Variants in WDPCP observed in about 807,000 individuals in gnomAD.
The protein encoded by WDPCP is WD repeat-containing and planar cell polarity effector protein fritz homolog.
A neutral mutation model predicts 93.1 loss-of-function variants in WDPCP; 71 were observed. That is an observed-to-expected ratio of 0.76 (90% CI 0.63 to 0.93). WDPCP has a LOEUF of 0.93. WDPCP is among the 40% of genes least tolerant of loss of function. WDPCP has a pLI of 0.00. For missense variants in WDPCP, 844 were observed against 887.4 expected (o/e 0.95, Z 0.62); for synonymous variants, 315 against 315.0 (o/e 1.00, Z 0.00).
At chr2:63,177,043 CTGTCAAAAATTGTTTGACCATA>C (rs1383298026) in intron 14 of WDPCP, among the ~76,000 whole-genome samples, 37 of 152,302 alleles carry the variant, frequency 2.4e-4, no homozygotes, top group Admixed American at 1.9e-3. Context: ...GTGTTGACAT[CTGTCAAAAATTGTTTGACCATA>C]TGGTTAATGG....
In WDPCP at chr2:63,546,380, T is replaced by C. The variant is rs552572455; in HGVS notation, c.75+41817A>G. Among the ~76,000 whole-genome samples, 5 of 152,304 alleles carry C rather than the reference T, an allele frequency of 3.3e-5. No individual in the cohort carries two copies. The South Asian group carries it at 6.2e-4, about 19-fold the overall frequency. On this transcript the variant is annotated intron_variant, in intron 1 of 17. Transcript: ENST00000272321. ...GGCCTGCTCAAGGTAGGGGATCTAA[T>C]AGACAATCCAATTCTAACAACAAGT...
intron 2 of WDPCP, among the ~76,000 whole-genome samples, chr2:63,665,519 T>C (rs992697873): frequency 3.3e-5 from 5 of 152,242 alleles, no homozygotes. Context: ...ACATCTATTA[T>C]ACAATGATCC....
At chr2:63,419,708 G>A (rs1002795336) in intron 9 of WDPCP, among the ~76,000 whole-genome samples, 1 of 152,098 alleles carries the variant, frequency 6.6e-6, no homozygotes, top group Admixed American at 6.5e-5. Flanking sequence ...GTCAGAGATA[G>A]GCTTAAGATC....
At chr2:63,457,404 A>T (rs1380516667) in intron 6 of WDPCP, among the ~76,000 whole-genome samples, 1 of 152,156 alleles carries the variant, frequency 6.6e-6, no homozygotes, top group Non-Finnish European at 1.5e-5. Context: ...AAGAAGAACT[A>T]AACCTCCTCA....
At chr2:63,693,187 G>C (rs1355103907) in intron 2 of WDPCP, among the ~76,000 whole-genome samples, 3 of 152,084 alleles carry the variant, frequency 2.0e-5, no homozygotes, top group Non-Finnish European at 2.9e-5. Flanking sequence ...CGCTCTCCTA[G>C]ATGTCATACA....
intron 3 of WDPCP, among the ~76,000 whole-genome samples, chr2:63,627,147 T>G (rs1709818793): frequency 6.6e-6 from 1 of 152,222 alleles, no homozygotes; most frequent in South Asian, 2.1e-4. Flanking sequence ...GCTATAATTT[T>G]TATTCTCAGT....
the WDPCP span, among the ~76,000 whole-genome samples, chr2:63,839,880 G>A: frequency 6.6e-6 from 1 of 152,160 alleles, no homozygotes; most frequent in Non-Finnish European, 1.5e-5. Context: ...TGGATTTCAT[G>A]TAAGAAACAC....
intron 1 of WDPCP, among the ~76,000 whole-genome samples, chr2:63,509,530 A>G (rs1217876736): frequency 1.3e-5 from 2 of 152,282 alleles, no homozygotes; most frequent in East Asian, 3.9e-4. Context: ...ATAATTAGAG[A>G]AGAGCAAACA....
chr2:63,376,352 C>T (rs1006399561), intron 12 of WDPCP, among the ~76,000 whole-genome samples: 1 of 151,720 alleles, frequency 6.6e-6, no homozygotes, highest in African/African-American at 2.4e-5. Flanking sequence ...ATTTTGATAA[C>T]AATAATAGTG....
intron 2 of WDPCP, among the ~76,000 whole-genome samples, chr2:63,720,127 G>C (rs977641238): frequency 8.5e-5 from 13 of 152,138 alleles, no homozygotes; most frequent in African/African-American, 2.9e-4. Context: ...TTTAAAAATT[G>C]CTAAATAGGC....
chr2:63,249,421 C>A (rs1352561125), intron 14 of WDPCP, among the ~76,000 whole-genome samples: 1 of 152,130 alleles, frequency 6.6e-6, no homozygotes, highest in Non-Finnish European at 1.5e-5. Context: ...CTCCTACATA[C>A]CAAGGTGTTC....
At chr2:63,831,554 AT>A (rs1338814816), upstream of WDPCP, among the ~76,000 whole-genome samples, 3 of 152,132 alleles carry the variant, frequency 2.0e-5, no homozygotes. Flanking sequence ...TGCTAAATGT[AT>A]TTAACATAAT....
chr2:63,772,222 C>T (rs1242537704), intron 2 of WDPCP, among the ~76,000 whole-genome samples: 1 of 151,978 alleles, frequency 6.6e-6, no homozygotes. Context: ...TAATAATAGC[C>T]ATTCTGACTG....
chr2:63,476,999 T>A (rs1365951981), intron 6 of WDPCP, among the ~76,000 whole-genome samples: 2 of 152,194 alleles, frequency 1.3e-5, no homozygotes, highest in East Asian at 3.8e-4. Flanking sequence ...TTGTTATGGA[T>A]GGAAACCATG....
intron 2 of WDPCP, among the ~76,000 whole-genome samples, chr2:63,807,067 A>G (rs1670777752): frequency 6.6e-6 from 1 of 152,220 alleles, no homozygotes; most frequent in Non-Finnish European, 1.5e-5. Flanking sequence ...AATCTGTACA[A>G]TTTATGTTTA....
At chr2:63,814,217 G>A (rs1179020783) in intron 1 of WDPCP, among the ~76,000 whole-genome samples, 1 of 151,906 alleles carries the variant, frequency 6.6e-6, no homozygotes, top group Non-Finnish European at 1.5e-5. Flanking sequence ...TAATTACAGA[G>A]ATCAAAGTAA....
intron 9 of WDPCP, among the ~76,000 whole-genome samples, chr2:63,418,947 G>A (rs1695635181): frequency 6.6e-6 from 1 of 152,146 alleles, no homozygotes; most frequent in African/African-American, 2.4e-5. Flanking sequence ...GAAACGGATG[G>A]CCAGCGTCCA....
intron 3 of WDPCP, among the ~76,000 whole-genome samples, chr2:63,640,623 C>T (rs1370210915): frequency 1.3e-5 from 2 of 152,278 alleles, no homozygotes; most frequent in East Asian, 1.9e-4. Context: ...TATTGTGGCA[C>T]ATCCATGCCA....
chr2:63,588,143 C>G, intron 1 of WDPCP, 54 bp downstream of exon 1: 2 of 1,543,924 alleles, frequency 1.3e-6, no homozygotes, highest in Non-Finnish European at 1.8e-6. Flanking sequence ...GCACCAACCG[C>G]ATTCCGGATC....
Sources: gnomAD v4.1 joint callset for allele counts (sites outside exome capture counted in the v4.1 genomes callset) on GRCh38, gnomAD v4.1.1 for gene constraint, MANE v1.5 for transcripts, NCBI Gene and HGNC (gene_info 2026-07-23, HGNC 2026-07-21) for gene names.